OPRM1: variants seen among roughly 807,000 people sequenced by gnomAD.
OPRM1 encodes the protein opioid receptor mu 1, also known as mu-type opioid receptor.
In OPRM1, 27 loss-of-function variants were observed where a neutral mutation model predicts 31.8. That is an observed-to-expected ratio of 0.85 (90% CI 0.63 to 1.17). The LOEUF (loss-of-function observed/expected upper bound fraction) is 1.17, where lower values mean the gene tolerates loss of function less well. Among genes scored for constraint, OPRM1 ranks in the 50% most tolerant of loss-of-function variants. OPRM1 has a pLI of 0.00. For synonymous variants in OPRM1, 196 were observed against 189.9 expected (o/e 1.03, Z -0.26); for missense variants, 536 against 511.1 (o/e 1.05, Z -0.47).
At chr6:154,167,833 G>C in intron 3 of OPRM1, 1 of 983,762 alleles carries the variant, frequency 1.0e-6, no homozygotes, top group Non-Finnish European at 1.5e-6. Flanking sequence ...ACACAAACAT[G>C]CTGTGATTAG....
chr6:154,072,884 C>A (rs1222971767), intron 1 of OPRM1, among the ~76,000 whole-genome samples: 2 of 152,184 alleles, frequency 1.3e-5, no homozygotes, highest in Non-Finnish European at 2.9e-5. Context: ...CACTGGTGAC[C>A]TCTGCACACG....
chr6:154,167,495 C>A (rs1799535019), intron 3 of OPRM1, among the ~76,000 whole-genome samples: 2 of 152,178 alleles, frequency 1.3e-5, no homozygotes, highest in African/African-American at 4.8e-5. Context: ...GTCCTGAAGA[C>A]TGGTACCCTT....
At chr6:154,138,627 C>T (rs1349166759) in intron 3 of OPRM1, among the ~76,000 whole-genome samples, 1 of 152,194 alleles carries the variant, frequency 6.6e-6, no homozygotes, top group Non-Finnish European at 1.5e-5. Flanking sequence ...CCCATCTTGC[C>T]TCTAACCTCC....
At chr6:154,085,068 A>T (rs1178759332) in intron 1 of OPRM1, among the ~76,000 whole-genome samples, 1 of 152,216 alleles carries the variant, frequency 6.6e-6, no homozygotes. Flanking sequence ...ACAGAAGTTT[A>T]CAAAACCCAT....
At position 154,122,832 on chromosome 6, in the gene OPRM1, T is replaced by C. The variant is rs1797376528; in HGVS notation, c.*4111T>C. 6.6e-6 allele frequency among the ~76,000 whole-genome samples: 1 copy of C among 152,150 alleles called. No homozygotes were observed. The highest frequency in any genetic ancestry group is 1.5e-5 in the Non-Finnish European group (1 of 68,014). On this transcript the variant is annotated 3_prime_UTR_variant, in exon 4 of 4. Transcript: ENST00000330432. ...ACTGTGTTCTAAGCGCTTCTGTTAC[T>C]CGAAAGGGGTCTGATCCAGACCCCA...
intron 1 of OPRM1, among the ~76,000 whole-genome samples, chr6:154,055,409 A>C (rs932502956): frequency 2.6e-5 from 4 of 151,938 alleles, no homozygotes; most frequent in African/African-American, 9.6e-5. Flanking sequence ...GAATAAACAA[A>C]AAAAAAAAAA....
Position 154,119,292 on chromosome 6 carries a change from T to C in OPRM1, c.*571T>C. ...TTTTGTATTGTTTAAAAAAATAACA[T>C]CTCTTTCATCTAGCTCCATAATTGC... On this transcript the variant is annotated 3_prime_UTR_variant, in exon 4 of 4. Coordinates refer to ENST00000330432, the MANE Select transcript of OPRM1 (RefSeq NM_000914.5). 4.1e-6 allele frequency: 4 copies of C among 985,440 alleles called. No homozygotes were observed. The highest frequency in any genetic ancestry group is 3.6e-6 in the Non-Finnish European group (3 of 829,886). 61.0% of individuals were successfully genotyped at this position (985,440 alleles called of 1,614,324 possible). A position where few individuals can be genotyped will look rare whatever the true frequency, so the allele number is the denominator to read the frequency against.
chr6:154,110,805 T>C (rs1796260611), intron 3 of OPRM1, among the ~76,000 whole-genome samples: 1 of 143,762 alleles, frequency 7.0e-6, no homozygotes, highest in African/African-American at 2.6e-5. Context: ...GAGAATGGCG[T>C]GAACCCGTGA....
At chr6:154,170,002 C>T (rs1197499444) in intron 3 of OPRM1, among the ~76,000 whole-genome samples, 3 of 152,106 alleles carry the variant, frequency 2.0e-5, no homozygotes, top group Non-Finnish European at 4.4e-5. Context: ...TTGATGATAC[C>T]GTTGGAGCCC....
At chr6:154,057,604 G>A (rs3778147) in intron 1 of OPRM1, among the ~76,000 whole-genome samples, 21,071 of 151,928 alleles carry the variant, frequency 0.14, 1,578 homozygotes, top group Non-Finnish European at 0.17. Context: ...AAAGGCCTGC[G>A]TTCATTTTCA....
intron 3 of OPRM1, among the ~76,000 whole-genome samples, chr6:154,150,541 T>C (rs370536833): frequency 1.3e-5 from 2 of 152,228 alleles, no homozygotes; most frequent in South Asian, 2.1e-4. Context: ...ATAAGGTCCC[T>C]GCCTCATGGG....
At chr6:154,050,155 T>TTTTC (rs1781910680) in intron 1 of OPRM1, among the ~76,000 whole-genome samples, 1 of 152,192 alleles carries the variant, frequency 6.6e-6, no homozygotes, top group Non-Finnish European at 1.5e-5. Context: ...ACTGGAAGAC[T>TTTTC]TTTTATTATG....
At chr6:154,157,879 G>A (rs1798778876) in intron 3 of OPRM1, 1 of 152,196 alleles carries the variant, frequency 6.6e-6, no homozygotes, top group Admixed American at 6.5e-5. Context: ...TCCTAAACCA[G>A]GGCATCAGGG....
At chr6:154,207,779 TA>T (rs2128600645) in intron 3 of OPRM1, among the ~76,000 whole-genome samples, 1 of 152,304 alleles carries the variant, frequency 6.6e-6, no homozygotes, top group East Asian at 1.9e-4. Context: ...TTTCAATATT[TA>T]AAAAACTACT....
At chr6:154,214,182 C>G in intron 3 of OPRM1, 1 of 1,350,738 alleles carries the variant, frequency 7.4e-7, no homozygotes, top group Non-Finnish European at 1.1e-6. Flanking sequence ...TTCTAATATT[C>G]TTGCTAAATT....
intron 1 of OPRM1, among the ~76,000 whole-genome samples, chr6:154,017,311 T>C (rs1471873328): frequency 2.6e-5 from 4 of 152,296 alleles, no homozygotes; most frequent in African/African-American, 9.6e-5. Context: ...CGAGTATTGA[T>C]TTTTTGTCAC....
At chr6:154,222,237 G>C (rs1778923454) in intron 3 of OPRM1, among the ~76,000 whole-genome samples, 1 of 152,234 alleles carries the variant, frequency 6.6e-6, no homozygotes, top group Admixed American at 6.5e-5. Context: ...CTTTAGGCAG[G>C]AAGTCCTGCA....
chr6:154,189,885 A>C (rs1328666311), intron 3 of OPRM1, among the ~76,000 whole-genome samples: 1 of 152,060 alleles, frequency 6.6e-6, no homozygotes, highest in East Asian at 1.9e-4. Context: ...TGGAGGTTGC[A>C]GTGAGCCGAG....
intron 1 of OPRM1, among the ~76,000 whole-genome samples, chr6:154,019,534 C>T (rs182344139): frequency 6.5e-4 from 99 of 151,852 alleles, no homozygotes; most frequent in African/African-American, 2.1e-3. Flanking sequence ...CCTAAAAATT[C>T]GTACACTCTT....
Sources: gnomAD v4.1 joint callset for allele counts (sites outside exome capture counted in the v4.1 genomes callset) on GRCh38, gnomAD v4.1.1 for gene constraint, MANE v1.5 for transcripts, NCBI Gene and HGNC (gene_info 2026-07-23, HGNC 2026-07-21) for gene names.